Variants in GSE1 observed in about 807,000 individuals in gnomAD.
GSE1 encodes Gse1 coiled-coil protein.
Under a neutral mutation model 112.6 loss-of-function variants are expected in GSE1, and 32 were observed. The observed-to-expected ratio is 0.28, with a 90% CI of 0.21 to 0.38. The LOEUF is 0.38. Among genes scored for constraint, GSE1 ranks in the 10% least tolerant of loss-of-function variants. GSE1 has a pLI of 1.00. For missense variants in GSE1, 2,348 were observed against 1,699.2 expected (o/e 1.38, Z -6.71); for synonymous variants, 1,115 against 735.6 (o/e 1.52, Z -8.35).
At chr16:85,246,286 T>G (rs1236423905) in intron 1 of GSE1, among the ~76,000 whole-genome samples, 1 of 100,238 alleles carries the variant, frequency 1.0e-5, no homozygotes, top group East Asian at 2.9e-4. Flanking sequence ...CCACACGCTG[T>G]CTACACACAC....
rs2052555263 is a variant in GSE1, at chr16:85,662,996, T to G, written c.2276T>G (p.Leu759Arg). 6 of 1,609,556 alleles carry G rather than the reference T, an allele frequency of 3.7e-6. No individual in the cohort carries two copies. The highest frequency in any genetic ancestry group is 1.3e-5 in the African/African-American group (1 of 74,848). Residue 759 changes from leucine to arginine, a missense_variant, in exon 10 of 16, where the codon CTC becomes CGC. Physicochemically the swap from Leu to Arg is moderately radical, Grantham distance 102. Coordinates refer to ENST00000253458, the MANE Select transcript of GSE1 (RefSeq NM_014615.5). ...EAQEKGYYYD[L>R]DDSYDESDEE... ...TCTCCATCAGGGTACTACTACGACC[T>G]CGATGACTCTTACGACGAGAGCGAT... is the stretch of plus-strand genomic sequence containing the variant.
chr16:85,613,147 G>A, upstream of GSE1: 1 of 1,250,276 alleles, frequency 8.0e-7, no homozygotes, highest in Non-Finnish European at 1.0e-6. Context: ...GACACCTCCC[G>A]CTGGCTGAGG....
At chr16:85,468,244 C>G (rs992714481) in intron 2 of GSE1, among the ~76,000 whole-genome samples, 2 of 151,764 alleles carry the variant, frequency 1.3e-5, no homozygotes, top group African/African-American at 2.4e-5. Context: ...GTATGAAGCT[C>G]TCAGAGCCTC....
At chr16:85,671,572 C>G (rs546585737) in intron 15 of GSE1, among the ~76,000 whole-genome samples, 1 of 152,258 alleles carries the variant, frequency 6.6e-6, no homozygotes, top group African/African-American at 2.4e-5. Flanking sequence ...TCTGACCACA[C>G]CAGTGCACTC....
At chr16:85,298,278 A>G (rs1237026857) in intron 1 of GSE1, among the ~76,000 whole-genome samples, 1 of 152,066 alleles carries the variant, frequency 6.6e-6, no homozygotes, top group East Asian at 1.9e-4. Flanking sequence ...CCCTGCCCAG[A>G]TGTCTCCAAG....
chr16:85,632,559 G>A (rs1489049139), intron 1 of GSE1, among the ~76,000 whole-genome samples: 2 of 152,196 alleles, frequency 1.3e-5, no homozygotes, highest in Non-Finnish European at 2.9e-5. Context: ...CTGCCTCCGA[G>A]CCTGCTGTCC....
At chr16:85,655,040 G>A in intron 5 of GSE1, 49 bp downstream of exon 5, 3 of 1,203,170 alleles carry the variant, frequency 2.5e-6, no homozygotes, top group East Asian at 4.9e-5. Context: ...GCCTGTTCCT[G>A]GCAAGATGGA....
intron 1 of GSE1, among the ~76,000 whole-genome samples, chr16:85,292,610 A>G (rs1282361003): frequency 2.0e-5 from 3 of 151,990 alleles, no homozygotes; most frequent in Admixed American, 1.3e-4. Context: ...TACAGGCCGG[A>G]GCCACTGTGC....
chr16:85,642,300 G>A (rs1270204627), intron 2 of GSE1, among the ~76,000 whole-genome samples: 1 of 152,228 alleles, frequency 6.6e-6, no homozygotes, highest in Non-Finnish European at 1.5e-5. Flanking sequence ...GACAGAGAGA[G>A]ACCCTGTCTC....
rs530447374 is a variant in GSE1 at position 85,510,033 on chromosome 16, C to G, written c.2465-123881C>G. 1.1e-4 allele frequency among the ~76,000 whole-genome samples: 16 copies of G among 152,288 alleles called. No homozygotes were observed. In the South Asian group the frequency reaches 3.3e-3, roughly 32 times the overall value. The stretch of plus-strand genomic sequence containing the variant: ...TTGAATGTGACTCCAAAGAGAGAGG[C>G]TTTATTAGGCCAAGCCGCGCTGAGC... On this transcript the variant is annotated intron_variant, in intron 2 of 2. Coordinates refer to the GSE1 transcript ENST00000637419.
intron 1 of GSE1, among the ~76,000 whole-genome samples, chr16:85,296,750 C>G (rs1309650168): frequency 2.0e-5 from 3 of 152,234 alleles, no homozygotes; most frequent in Non-Finnish European, 4.4e-5. Context: ...TGGCTTCCCT[C>G]CCTTTCATGT....
chr16:85,356,436 C>T (rs1025721597), intron 1 of GSE1, among the ~76,000 whole-genome samples: 8 of 152,224 alleles, frequency 5.3e-5, no homozygotes, highest in Non-Finnish European at 8.8e-5. Context: ...TTGCCAGGTC[C>T]CAGGAGGGTC....
At chr16:85,617,583 C>G (rs1323513457) in intron 1 of GSE1, among the ~76,000 whole-genome samples, 3 of 135,290 alleles carry the variant, frequency 2.2e-5, no homozygotes, top group Non-Finnish European at 3.1e-5. Context: ...CCTGGGCATC[C>G]GTGTGTCAAC....
chr16:85,543,534 C>T (rs868315063), intron 2 of GSE1, among the ~76,000 whole-genome samples: 1 of 152,192 alleles, frequency 6.6e-6, no homozygotes, highest in Non-Finnish European at 1.5e-5. Context: ...GGGGCAGGCC[C>T]TGGGTCCCTT....
chr16:85,211,166 G>A (rs367907354), intron 1 of GSE1, among the ~76,000 whole-genome samples: 100 of 152,298 alleles, frequency 6.6e-4, no homozygotes, highest in African/African-American at 2.3e-3. Flanking sequence ...TTTGGATCCC[G>A]ACACCACCCC....
intron 2 of GSE1, among the ~76,000 whole-genome samples, chr16:85,434,760 G>A (rs901816824): frequency 2.0e-5 from 3 of 152,250 alleles, no homozygotes; most frequent in African/African-American, 7.2e-5. Context: ...AGAGGTTGCA[G>A]TAGCCAAGAT....
At chr16:85,657,170 C>G (rs926445358) in intron 7 of GSE1, 107 bp from the exon 8 acceptor site, 4 of 778,970 alleles carry the variant, frequency 5.1e-6, no homozygotes, top group Non-Finnish European at 8.0e-6. Flanking sequence ...GGGAAGAACC[C>G]TTTGGAAGGG....
intron 1 of GSE1, among the ~76,000 whole-genome samples, chr16:85,233,031 C>G (rs763256968): frequency 6.6e-6 from 1 of 152,258 alleles, no homozygotes; most frequent in African/African-American, 2.4e-5. Context: ...GGCAGGGAGA[C>G]CTTTGCTTTG....
chr16:85,668,190 G>A lies in GSE1; in HGVS notation c.3181G>A (p.Val1061Ile), dbSNP rs142647289. The A allele has an allele frequency of 2.0e-4, 321 of 1,609,216 alleles. No homozygotes were observed. Among genetic ancestry groups the A allele is most frequent in the East Asian group, 2.9e-4 (13 of 44,832 alleles). Residue 1061 changes from valine to isoleucine, a missense_variant, in exon 14 of 16, where the codon GTC becomes ATC. Val to Ile is a conservative substitution (Grantham distance 29). Transcript: ENST00000253458. The part of the protein sequence containing the change: ...AEQNHKVDTS[V>I]HYNIPELQSS... The stretch of plus-strand genomic sequence containing the variant: ...GCAGAACCACAAGGTTGACACGTCC[G>A]TCCACTACAACATTCCTGAGCTGCA...
Sources: allele counts gnomAD v4.1 joint callset (sites outside exome capture counted in the v4.1 genomes callset), GRCh38; gene constraint gnomAD v4.1.1; transcripts MANE v1.5; gene names NCBI Gene and HGNC (gene_info 2026-07-23, HGNC 2026-07-21).